SHBG: variants seen among roughly 807,000 people sequenced by gnomAD.
SHBG encodes sex hormone binding globulin, also known as sex hormone-binding globulin.
SHBG carries 37 observed loss-of-function variants against 41.9 expected under a neutral mutation model. The observed-to-expected ratio is 0.88, with a 90% CI of 0.68 to 1.16. The LOEUF (loss-of-function observed/expected upper bound fraction) is 1.16, where lower values mean the gene tolerates loss of function less well. Ranked by LOEUF, SHBG falls within the 50% of genes most tolerant of loss-of-function variation. The pLI, the probability that SHBG is intolerant of heterozygous loss-of-function variation, is 0.00. For synonymous variants in SHBG, 217 were observed against 205.8 expected, an observed-to-expected ratio of 1.05 and a Z score of -0.47; for missense variants, 466 against 499.9, an observed-to-expected ratio of 0.93 and a Z score of 0.65.
chr17:7,626,338 C>T (rs1180899044), upstream of SHBG: 1 of 1,270,614 alleles, frequency 7.9e-7, no homozygotes, highest in Non-Finnish European at 1.1e-6. Context: ...CCTAACCCTC[C>T]TTCCTCCAGG....
intron 1 of SHBG, among the ~76,000 whole-genome samples, chr17:7,616,691 A>C (rs1456481282): frequency 1.3e-5 from 2 of 152,054 alleles, no homozygotes; most frequent in East Asian, 3.9e-4. Context: ...TAATCCCAGC[A>C]CTTTGGGAGG....
Position 7,630,512 on chromosome 17 carries a change from G to C in SHBG, c.203+5G>C. The C allele has an allele frequency of 1.2e-6, 2 of 1,613,216 alleles. No individual in the cohort carries two copies. The highest frequency in any genetic ancestry group is 1.7e-6 in the Non-Finnish European group (2 of 1,179,214). ...TGACCTCACCAAGATCACAAAGTAT[G>C]GGGTTGGCCTAGCCCTTGACCCAGT... On this transcript the variant is annotated splice_donor_5th_base_variant and intron_variant, in intron 2 of 7. Coordinates refer to ENST00000380450, the MANE Select transcript of SHBG (RefSeq NM_001040.5). This position sits in a 1 kb window ranked among gnomAD's most constrained non-coding sequence, Gnocchi z 4.6.
chr17:7,615,040 G>C (rs561470567), intron 1 of SHBG, among the ~76,000 whole-genome samples: 5 of 152,306 alleles, frequency 3.3e-5, no homozygotes, highest in African/African-American at 1.2e-4. Context: ...CCTCCTGGTC[G>C]CTTGCTAGCG....
Position 7,630,480 on chromosome 17 carries a change from T to A in SHBG, c.176T>A (p.Met59Lys). ...CCAGGACAAGAGCCTATCGCTGTCA[T>A]GACCTTTGACCTCACCAAGATCACA... ...NGPGQEPIAVMTFDLTKITKT... is the reference protein window; with the variant it reads ...NGPGQEPIAVKTFDLTKITKT... Residue 59 changes from methionine (M) to lysine (K), a missense_variant, in exon 2 of 8, where the codon ATG becomes AAG. Transcript: ENST00000380450. This position sits in a 1 kb window ranked among gnomAD's most constrained non-coding sequence, Gnocchi z 4.6. 1 of 1,614,188 alleles carries A rather than the reference T, an allele frequency of 6.2e-7. No individual in the cohort carries two copies. Among genetic ancestry groups the A allele is most frequent in the South Asian group, 1.1e-5 (1 of 91,088 alleles).
At chr17:7,614,539 GC>G in intron 1 of SHBG, 1 of 1,470,196 alleles carries the variant, frequency 6.8e-7, no homozygotes, top group Non-Finnish European at 9.0e-7. Context: ...CCATGGCGCC[GC>G]CACCGCCTCC....
upstream of SHBG, chr17:7,627,251 A>G: frequency 6.2e-7 from 1 of 1,613,878 alleles, no homozygotes; most frequent in Non-Finnish European, 8.5e-7. The surrounding 1 kb of genome is among the most constrained non-coding windows in gnomAD (Gnocchi z 4.8). Flanking sequence ...GTTGTGACAA[A>G]GAGATAGAGA....
chr17:7,614,813 CCCCGCTGCTGCCTCAGTCCCGGGA>C (rs1164847960), intron 1 of SHBG: 1 of 185,774 alleles, frequency 5.4e-6, no homozygotes, highest in African/African-American at 2.4e-5. Context: ...CCGCCGCCGC[CCCCGCTGCTGCCTCAGTCCCGGGA>C]CCCGCTGCTG....
chr17:7,624,713 A>T (rs1011103780), upstream of SHBG, among the ~76,000 whole-genome samples: 1 of 151,702 alleles, frequency 6.6e-6, no homozygotes, highest in Non-Finnish European at 1.5e-5. Flanking sequence ...GTCCAGTGGC[A>T]TGATCTCGGC....
chr17:7,618,777 C>T (rs1597894556), intron 1 of SHBG, among the ~76,000 whole-genome samples: 1 of 152,100 alleles, frequency 6.6e-6, no homozygotes, highest in South Asian at 2.1e-4. Flanking sequence ...AAGAGAGAGG[C>T]AAAGGGGATC....
chr17:7,615,640 G>T (rs2071966690), intron 1 of SHBG, among the ~76,000 whole-genome samples: 1 of 103,286 alleles, frequency 9.7e-6, no homozygotes. Flanking sequence ...CCAAAATGGT[G>T]AAACCCACCC....
At chr17:7,617,858 C>T (rs999593809) in intron 1 of SHBG, among the ~76,000 whole-genome samples, 12 of 152,140 alleles carry the variant, frequency 7.9e-5, no homozygotes, top group African/African-American at 2.9e-4. Flanking sequence ...CTGAAGCAGG[C>T]AGATCACTTG....
chr17:7,626,637 C>G (rs2072216334), upstream of SHBG: 3 of 1,611,490 alleles, frequency 1.9e-6, no homozygotes, highest in East Asian at 4.5e-5. Flanking sequence ...ACAACACTAA[C>G]TTTTCTGGGG....
intron 1 of SHBG, among the ~76,000 whole-genome samples, chr17:7,622,100 C>A (rs936848872): frequency 1.3e-5 from 2 of 151,724 alleles, no homozygotes; most frequent in Admixed American, 6.6e-5. Context: ...CCGCCTCGGC[C>A]TCCCAAAGTG....
chr17:7,615,491 G>C (rs1301057942), intron 1 of SHBG, among the ~76,000 whole-genome samples: 1 of 152,226 alleles, frequency 6.6e-6, no homozygotes, highest in Non-Finnish European at 1.5e-5. Context: ...CTCTTACCTT[G>C]AAGAGATTGT....
intron 1 of SHBG, chr17:7,614,508 C>A: frequency 6.6e-7 from 1 of 1,516,510 alleles, no homozygotes; most frequent in South Asian, 1.2e-5. Flanking sequence ...GGCTCCACAT[C>A]CCCCCCAGAG....
upstream of SHBG, chr17:7,627,499 G>T: frequency 6.4e-7 from 1 of 1,564,206 alleles, no homozygotes. This position sits in a 1 kb window ranked among gnomAD's most constrained non-coding sequence, Gnocchi z 4.8. Context: ...CCCTCCCCCT[G>T]CCCCCGCCTC....
chr17:7,618,834 C>T (rs139238008), intron 1 of SHBG, among the ~76,000 whole-genome samples: 1 of 152,124 alleles, frequency 6.6e-6, no homozygotes, highest in Non-Finnish European at 1.5e-5. Context: ...GCCTCAAGAT[C>T]GCCTCTCTGG....
chr17:7,632,904 C>G lies in SHBG; in HGVS notation c.1005C>G (p.Pro335=). 6.2e-7 allele frequency: 1 copy of G among 1,614,058 alleles called. No individual in the cohort carries two copies. Among genetic ancestry groups the G allele is most frequent in the East Asian group, 2.2e-5 (1 of 44,890 alleles). Residue 335 remains proline (P), a synonymous_variant, in exon 7 of 8, where the codon CCC becomes CCG. Coordinates refer to ENST00000380450, the MANE Select transcript of SHBG (RefSeq NM_001040.5). ...CCCTGCCTCCCTTAGGCCTGGCTCC[C>G]CTCCTTAACCTCTGGGCCAAGCCTC... ...ALALPPLGLA[P]LLNLWAKPQG...
At chr17:7,629,677 T>A (rs772636050), upstream of SHBG, among the ~76,000 whole-genome samples, 5 of 152,172 alleles carry the variant, frequency 3.3e-5, no homozygotes, top group African/African-American at 4.8e-5. Flanking sequence ...ATTATTTTCC[T>A]CATTTTACAG....
Sources: gnomAD v4.1 joint callset for allele counts (sites outside exome capture counted in the v4.1 genomes callset) on GRCh38, gnomAD v4.1.1 for gene constraint, Gnocchi (gnomAD v3.1) non-coding constraint, MANE v1.5 for transcripts, NCBI Gene and HGNC (gene_info 2026-07-23, HGNC 2026-07-21) for gene names.